KRABD2: variants seen among roughly 807,000 people sequenced by gnomAD.
KRABD2 encodes KRAB domain-containing protein 2.
the KRABD2 span, chr17:8,369,498 A>C: frequency 6.2e-7 from 1 of 1,614,008 alleles, no homozygotes; most frequent in African/African-American, 1.3e-5. Context: ...CCAGGTACTT[A>C]TCATGTTCTT....
the KRABD2 span, chr17:8,369,366 G>A: frequency 6.2e-7 from 1 of 1,614,240 alleles, no homozygotes; most frequent in Non-Finnish European, 8.5e-7. Flanking sequence ...CCCAAATTTG[G>A]CTTTATAGCC....
the KRABD2 span, chr17:8,376,480 C>A: frequency 2.0e-6 from 2 of 1,010,608 alleles, no homozygotes; most frequent in Non-Finnish European, 2.4e-6. Context: ...GAGGACCGGG[C>A]TGGGATGTCG....
chr17:8,373,060 G>T, the KRABD2 span, among the ~76,000 whole-genome samples: 1 of 152,138 alleles, frequency 6.6e-6, no homozygotes, highest in Non-Finnish European at 1.5e-5. Context: ...GACCTATTTT[G>T]GTTGGTCCAT....
the KRABD2 span, among the ~76,000 whole-genome samples, chr17:8,360,865 G>GAACCT: frequency 1.8e-4 from 28 of 152,276 alleles, no homozygotes; most frequent in African/African-American, 6.7e-4. Flanking sequence ...TGCACTGATT[G>GAACCT]AACCTAACCT....
At chr17:8,362,263 G>C in the KRABD2 span, among the ~76,000 whole-genome samples, 3 of 151,994 alleles carry the variant, frequency 2.0e-5, no homozygotes, top group Non-Finnish European at 2.9e-5. The surrounding 1 kb of genome is among the most constrained non-coding windows in gnomAD (Gnocchi z 4.2). Context: ...CCGGGAGGTG[G>C]AGCTTGTAGT....
the KRABD2 span, among the ~76,000 whole-genome samples, chr17:8,366,264 A>G: frequency 2.0e-5 from 3 of 152,210 alleles, no homozygotes. Flanking sequence ...CATTGGGAAC[A>G]TAGGAGTACA....
chr17:8,359,494 A>T, the KRABD2 span: 2 of 434,218 alleles, frequency 4.6e-6, no homozygotes, highest in Non-Finnish European at 9.2e-6. Flanking sequence ...CAGTCTCTTT[A>T]TTTGTTGGTA....
At chr17:8,360,181 A>G in the KRABD2 span, among the ~76,000 whole-genome samples, 220 of 152,366 alleles carry the variant, frequency 1.4e-3, no homozygotes, top group African/African-American at 4.9e-3. Flanking sequence ...CAAATTACAT[A>G]GAACAATAAG....
the KRABD2 span, among the ~76,000 whole-genome samples, chr17:8,374,861 C>T: frequency 2.3e-5 from 3 of 128,806 alleles, no homozygotes; most frequent in South Asian, 7.6e-4. Context: ...TGACATGAAC[C>T]CGGGAGGTGG....
chr17:8,371,922 T>C, the KRABD2 span: 71 of 992,506 alleles, frequency 7.2e-5, no homozygotes, highest in Admixed American at 1.7e-4. Flanking sequence ...TGATACTCAG[T>C]TGTCTAAACT....
chr17:8,369,974 G>GAGC, the KRABD2 span: 2 of 1,614,196 alleles, frequency 1.2e-6, no homozygotes, highest in Non-Finnish European at 1.7e-6. Context: ...GCAGCTCCTT[G>GAGC]AGCATGCGTG....
the KRABD2 span, chr17:8,369,488 C>G: frequency 8.7e-6 from 14 of 1,613,946 alleles, no homozygotes; most frequent in Admixed American, 2.3e-4. Flanking sequence ...TACTCTGCAT[C>G]CAGGTACTTA....
chr17:8,371,346 G>A, the KRABD2 span: 1 of 1,614,064 alleles, frequency 6.2e-7, no homozygotes, highest in Middle Eastern at 1.6e-4. Context: ...CCAGCATTGT[G>A]TCTCTGTAGC....
the KRABD2 span, among the ~76,000 whole-genome samples, chr17:8,363,606 C>CA: frequency 6.6e-6 from 1 of 151,866 alleles, no homozygotes; most frequent in Non-Finnish European, 1.5e-5. Flanking sequence ...TCTTGGCCTC[C>CA]AAAGTGCTGG....
chr17:8,369,115 C>T, the KRABD2 span: 1 of 1,594,462 alleles, frequency 6.3e-7, no homozygotes, highest in Non-Finnish European at 8.5e-7. Context: ...CTGTGACTGT[C>T]CACCCAGCAG....
chr17:8,370,969 G>C, the KRABD2 span, among the ~76,000 whole-genome samples: 1 of 150,924 alleles, frequency 6.6e-6, no homozygotes, highest in Non-Finnish European at 1.5e-5. Flanking sequence ...AGGAGTTCAA[G>C]AACAGCCTGG....
chr17:8,372,106 C>T, the KRABD2 span: 1 of 984,866 alleles, frequency 1.0e-6, no homozygotes, highest in Non-Finnish European at 1.2e-6. The surrounding 1 kb of genome is among the most constrained non-coding windows in gnomAD (Gnocchi z 4.1). Context: ...AAGATGGAAA[C>T]TTTTAAAGGC....
chr17:8,375,286 C>A, the KRABD2 span, among the ~76,000 whole-genome samples: 1 of 152,360 alleles, frequency 6.6e-6, no homozygotes, highest in East Asian at 1.9e-4. Context: ...GCTGGGATTA[C>A]AGGCGTGAGC....
the KRABD2 span, chr17:8,376,391 T>C: frequency 8.7e-7 from 1 of 1,152,842 alleles, no homozygotes; most frequent in South Asian, 4.4e-5. Flanking sequence ...GCTATGAAGA[T>C]TCAATGATAA....
Sources: allele counts gnomAD v4.1 joint callset (sites outside exome capture counted in the v4.1 genomes callset), GRCh38; gene constraint gnomAD v4.1.1; non-coding constraint Gnocchi (gnomAD v3.1); transcripts MANE v1.5; gene names NCBI Gene and HGNC (gene_info 2026-07-23, HGNC 2026-07-21).